The following RHOU variants were observed in gnomAD, a reference collection of about 807,000 sequenced individuals.
The protein encoded by RHOU is rho-related GTP-binding protein RhoU.
Under a neutral mutation model 12.6 loss-of-function variants are expected in RHOU, and 8 were observed. The ratio of observed to expected loss-of-function variants is 0.64; its 90% confidence interval spans 0.37 to 1.15. The LOEUF is 1.15. RHOU is among the 50% of genes most tolerant of loss of function. The probability of loss-of-function intolerance (pLI) is 0.01; values close to 1 mark genes in which losing one functional copy is unlikely to be tolerated. For missense variants in RHOU, 258 were observed against 347.0 expected (o/e 0.74, Z 2.04); for synonymous variants, 161 against 147.4 (o/e 1.09, Z -0.67).
the RHOU span, chr1:228,687,958 C>T: frequency 5.8e-5 from 39 of 669,268 alleles, no homozygotes; most frequent in Non-Finnish European, 1.1e-4. Context: ...TTCCTTCCTT[C>T]TGTCCTTCCT....
the RHOU span, among the ~76,000 whole-genome samples, chr1:228,685,154 G>A: frequency 6.6e-6 from 1 of 152,186 alleles, no homozygotes; most frequent in East Asian, 1.9e-4. Flanking sequence ...ATGACCAGAG[G>A]TCACTCTCAT....
the RHOU span, among the ~76,000 whole-genome samples, chr1:228,720,067 T>A: frequency 1.3e-5 from 2 of 152,070 alleles, no homozygotes; most frequent in African/African-American, 4.8e-5. Context: ...GTGGCTCATG[T>A]CCATAATCCG....
At chr1:228,648,480 G>T in the RHOU span, among the ~76,000 whole-genome samples, 2 of 152,170 alleles carry the variant, frequency 1.3e-5, no homozygotes, top group African/African-American at 4.8e-5. Context: ...ATCTTCTCTG[G>T]TCTTTTGCCT....
At chr1:228,670,668 G>C in the RHOU span, among the ~76,000 whole-genome samples, 92,294 of 152,062 alleles carry the variant, frequency 0.61, 30,597 homozygotes, top group African/African-American at 0.9. Flanking sequence ...TATTGTTTGG[G>C]TCTGTGTCCC....
chr1:228,680,849 A>G, the RHOU span, among the ~76,000 whole-genome samples: 1 of 152,166 alleles, frequency 6.6e-6, no homozygotes, highest in African/African-American at 2.4e-5. Context: ...TAAGCCCTTC[A>G]ACTAGGCAAG....
intron 2 of RHOU, among the ~76,000 whole-genome samples, chr1:228,739,106 G>A (rs1210861308): frequency 6.6e-6 from 1 of 152,086 alleles, no homozygotes; most frequent in Non-Finnish European, 1.5e-5. Flanking sequence ...GGGCGACAGA[G>A]CAAGATCCCA....
At chr1:228,646,687 G>C in the RHOU span, among the ~76,000 whole-genome samples, 3 of 149,914 alleles carry the variant, frequency 2.0e-5, no homozygotes, top group African/African-American at 7.4e-5. Context: ...GAGAGGGCCT[G>C]AGAGAAACCC....
At chr1:228,674,478 C>T in the RHOU span, among the ~76,000 whole-genome samples, 1 of 151,628 alleles carries the variant, frequency 6.6e-6, no homozygotes, top group Admixed American at 6.6e-5. Context: ...TCCTGAGTAG[C>T]TGGGATTACA....
At chr1:228,732,687 T>C (rs1045197083), upstream of RHOU, among the ~76,000 whole-genome samples, 2 of 151,026 alleles carry the variant, frequency 1.3e-5, no homozygotes, top group African/African-American at 4.9e-5. Context: ...TGAGTGGGCG[T>C]GGGATGATAT....
In RHOU at chr1:228,737,294, G is replaced by GT. The variant is rs1212056775; in HGVS notation, c.263-375dup. 6.6e-6 allele frequency among the ~76,000 whole-genome samples: 1 copy of GT among 152,200 alleles called. No homozygotes were observed. Among genetic ancestry groups the GT allele is most frequent in the Non-Finnish European group, 1.5e-5 (1 of 68,034 alleles). On this transcript the variant is annotated intron_variant, in intron 1 of 2. Transcript: ENST00000366691. This position sits in a 1 kb window ranked among gnomAD's most constrained non-coding sequence, Gnocchi z 4.1. ...AAGGGAAAACAGAATTATTTGTGAG[G>GT]TTTTCCACTGATTTAAAACTGCAGG...
At chr1:228,688,391 T>C in the RHOU span, among the ~76,000 whole-genome samples, 4 of 152,188 alleles carry the variant, frequency 2.6e-5, no homozygotes, top group Non-Finnish European at 5.9e-5. Flanking sequence ...CATTTGTGAG[T>C]TGGCAGCCTA....
At chr1:228,646,557 C>G in the RHOU span, among the ~76,000 whole-genome samples, 1 of 125,770 alleles carries the variant, frequency 8.0e-6, no homozygotes, top group African/African-American at 3.1e-5. Context: ...GCCCCCACCA[C>G]GGTCGCTTGT....
At chr1:228,647,641 G>A in the RHOU span, among the ~76,000 whole-genome samples, 1 of 152,222 alleles carries the variant, frequency 6.6e-6, no homozygotes, top group Admixed American at 6.5e-5. Context: ...GGATCCGGGA[G>A]CGGGAAGGCA....
the RHOU span, among the ~76,000 whole-genome samples, chr1:228,714,087 A>G: frequency 6.6e-6 from 1 of 152,200 alleles, no homozygotes; most frequent in African/African-American, 2.4e-5. Context: ...CCTCAAATCT[A>G]CTAATATGGT....
chr1:228,713,895 G>A, the RHOU span, among the ~76,000 whole-genome samples: 3 of 152,282 alleles, frequency 2.0e-5, no homozygotes, highest in South Asian at 6.2e-4. Context: ...TGTGTCTGCT[G>A]TAGATTTGAT....
upstream of RHOU, among the ~76,000 whole-genome samples, chr1:228,733,573 T>G (rs1662536351): frequency 6.6e-6 from 1 of 152,190 alleles, no homozygotes; most frequent in Non-Finnish European, 1.5e-5. Flanking sequence ...CCCCAAAGTG[T>G]TGGGATTACA....
the RHOU span, among the ~76,000 whole-genome samples, chr1:228,704,211 T>A: frequency 6.6e-6 from 1 of 152,186 alleles, no homozygotes; most frequent in African/African-American, 2.4e-5. Flanking sequence ...CAAACCAATG[T>A]ACATCTTACA....
chr1:228,688,262 T>C, the RHOU span, among the ~76,000 whole-genome samples: 1 of 152,234 alleles, frequency 6.6e-6, no homozygotes. Flanking sequence ...AAGAAGGCCA[T>C]GTTGTTAATG....
At chr1:228,677,872 A>T in the RHOU span, among the ~76,000 whole-genome samples, 2 of 152,164 alleles carry the variant, frequency 1.3e-5, no homozygotes, top group Admixed American at 6.5e-5. Context: ...CAGGCCCGTT[A>T]TTGGACTGTA....
Sources: allele counts gnomAD v4.1 joint callset (sites outside exome capture counted in the v4.1 genomes callset), GRCh38; gene constraint gnomAD v4.1.1; non-coding constraint Gnocchi (gnomAD v3.1); transcripts MANE v1.5; gene names NCBI Gene and HGNC (gene_info 2026-07-23, HGNC 2026-07-21).